The following CPSF6 variants were observed in gnomAD, a reference collection of about 807,000 sequenced individuals.
The protein encoded by CPSF6 is cleavage and polyadenylation specificity factor subunit 6.
In CPSF6, 10 loss-of-function variants were observed where a neutral mutation model predicts 56.7. That is an observed-to-expected ratio of 0.18 (90% CI 0.11 to 0.30). The LOEUF (loss-of-function observed/expected upper bound fraction) is 0.30. Ranked by LOEUF, CPSF6 falls within the 10% of genes least tolerant of loss-of-function variation. The pLI is 1.00. For missense variants in CPSF6, 419 were observed against 722.9 expected (o/e 0.58, Z 4.82); for synonymous variants, 248 against 244.8 (o/e 1.01, Z -0.12).
At chr12:69,241,073 G>C (rs1871592940) in intron 1 of CPSF6, among the ~76,000 whole-genome samples, 1 of 152,106 alleles carries the variant, frequency 6.6e-6, no homozygotes, top group Admixed American at 6.6e-5. Context: ...GGAAACTCAA[G>C]AGATCTTTAC....
chr12:69,241,101 A>G (rs1461423338), intron 1 of CPSF6, among the ~76,000 whole-genome samples: 1 of 152,216 alleles, frequency 6.6e-6, no homozygotes, highest in Non-Finnish European at 1.5e-5. Context: ...TTTTTCAGGA[A>G]TGACTTTGTG....
intron 3 of CPSF6, among the ~76,000 whole-genome samples, chr12:69,256,247 T>C (rs1359398386): frequency 6.6e-6 from 1 of 152,126 alleles, no homozygotes; most frequent in African/African-American, 2.4e-5. Flanking sequence ...CGATGGCTAA[T>C]GGATATGGAG....
chr12:69,262,662 G>C lies in CPSF6; in HGVS notation c.*3+100G>C, dbSNP rs958459103. 1.1e-5 allele frequency: 14 copies of C among 1,236,648 alleles called. No homozygotes were observed. The African/African-American group carries it at 2.1e-4, about 19-fold the overall frequency. The allele number at this position is 1,236,648 out of a possible 1,614,324, so 76.6% of individuals were successfully genotyped here. On this transcript the variant is annotated intron_variant, in intron 9 of 9. Coordinates refer to ENST00000435070, the MANE Select transcript of CPSF6 (RefSeq NM_007007.3). ...ACAGTATATACCTACATTTTAAATG[G>C]TCCAACTACTTGTGAATTTAATCTT...
rs1873269519 is a variant in CPSF6, at chr12:69,272,044, A to G, written c.*2536A>G. On this transcript the variant is annotated 3_prime_UTR_variant, in exon 10 of 10. Coordinates refer to ENST00000435070, the MANE Select transcript of CPSF6 (RefSeq NM_007007.3). ...GTAAAGTTAAACAGATGAGTGATAC[A>G]GTACCTGAATGGTACTGCTTCTGAG... is the stretch of plus-strand genomic sequence containing the variant. 2 of 151,748 alleles carry G rather than the reference A, an allele frequency of 1.3e-5. No individual in the cohort carries two copies. Among genetic ancestry groups the G allele is most frequent in the African/African-American group, 4.8e-5 (2 of 41,426 alleles). 9.4% of individuals were successfully genotyped at this position (151,748 alleles called of 1,614,324 possible).
At chr12:69,251,515 C>T (rs188546317) in intron 2 of CPSF6, among the ~76,000 whole-genome samples, 177 bp downstream of exon 2, 1 of 152,042 alleles carries the variant, frequency 6.6e-6, no homozygotes, top group African/African-American at 2.4e-5. Context: ...AATTCGAATT[C>T]TTCTAGTTTT....
intron 1 of CPSF6, among the ~76,000 whole-genome samples, chr12:69,245,404 T>A (rs1871845634): frequency 6.6e-6 from 1 of 152,182 alleles, no homozygotes; most frequent in Admixed American, 6.5e-5. Flanking sequence ...TTACAGTGCC[T>A]ACTTTATAAA....
Position 69,258,564 on chromosome 12 carries a change from T to C in CPSF6, c.695-26T>C. 1 of 1,550,678 alleles carries C rather than the reference T, an allele frequency of 6.4e-7. No individual in the cohort carries two copies. Among genetic ancestry groups the C allele is most frequent in the East Asian group, 2.3e-5 (1 of 44,392 alleles). ...TATCTTATTAGTGAAGTGTTTTTTT[T>C]TCTCTCTTTCTCCTTTGTTTTTTAG... On this transcript the variant is annotated intron_variant, in intron 5 of 9. Transcript: ENST00000435070. This position sits in a 1 kb window ranked among gnomAD's most constrained non-coding sequence, Gnocchi z 4.2.
rs766943178 is a variant in CPSF6, at chr12:69,239,623, G to T, written c.-24G>T. On this transcript the variant is annotated 5_prime_UTR_variant, in exon 1 of 10. Coordinates refer to ENST00000435070, the MANE Select transcript of CPSF6 (RefSeq NM_007007.3). The stretch of plus-strand genomic sequence containing the variant: ...CAGACCTGCAGGAGGCGGCGGCGGC[G>T]GCGGCGGCCGAGGCTGAAGGAAGAT... The T allele has an allele frequency of 4.5e-6, 7 of 1,556,688 alleles. No individual in the cohort carries two copies. In the African/African-American group the frequency reaches 8.5e-5, roughly 19 times the overall value.
intron 3 of CPSF6, among the ~76,000 whole-genome samples, chr12:69,255,483 A>G (rs1288379054): frequency 2.6e-5 from 4 of 152,216 alleles, no homozygotes; most frequent in East Asian, 1.9e-4. Context: ...GCATTGTGCC[A>G]TTTTATTAAT....
intron 3 of CPSF6, among the ~76,000 whole-genome samples, chr12:69,255,608 C>T (rs1228778957): frequency 6.6e-6 from 1 of 152,124 alleles, no homozygotes; most frequent in African/African-American, 2.4e-5. Flanking sequence ...GTGGCGCAAT[C>T]TTGGCTCATT....
intron 1 of CPSF6, among the ~76,000 whole-genome samples, chr12:69,247,368 AG>A (rs960593034): frequency 6.7e-6 from 1 of 148,152 alleles, no homozygotes; most frequent in African/African-American, 2.5e-5. Flanking sequence ...AAAATTAGTG[AG>A]TTTTTTTTTT....
At chr12:69,249,374 A>G (rs1017958035) in intron 1 of CPSF6, among the ~76,000 whole-genome samples, 4 of 151,840 alleles carry the variant, frequency 2.6e-5, no homozygotes, top group Admixed American at 2.0e-4. Context: ...TGGGCCCATA[A>G]TATCTTGTTG....
Position 69,274,258 on chromosome 12 carries a change from T to C in CPSF6, c.*4750T>C, listed in dbSNP as rs1349831545. Reference sequence around the variant, plus strand: ...TTCCTTTCTTTAGCATTTAGGTGACTGTTCGGCAGTTTGATATATGGCCAT... The same window carrying C: ...TTCCTTTCTTTAGCATTTAGGTGACCGTTCGGCAGTTTGATATATGGCCAT... On this transcript the variant is annotated 3_prime_UTR_variant, in exon 10 of 10. Coordinates refer to ENST00000435070, the MANE Select transcript of CPSF6 (RefSeq NM_007007.3). The C allele has an allele frequency of 6.6e-6, 1 of 152,046 alleles. No individual in the cohort carries two copies. Among genetic ancestry groups the C allele is most frequent in the Non-Finnish European group, 1.5e-5 (1 of 67,918 alleles). 9.4% of individuals were successfully genotyped at this position (152,046 alleles called of 1,614,324 possible). A position where few individuals can be genotyped will look rare whatever the true frequency, so the allele number is the denominator to read the frequency against.
At position 69,256,757 on chromosome 12, in the gene CPSF6, T is replaced by C. The variant is rs1442620923; in HGVS notation, c.435T>C (p.Pro145=). 7 of 1,613,836 alleles carry C rather than the reference T, an allele frequency of 4.3e-6. No homozygotes were observed. Among genetic ancestry groups the C allele is most frequent in the Non-Finnish European group, 5.9e-6 (7 of 1,179,762 alleles). ...CAAAAAAGTTAATGGATCTGTTACC[T>C]AAAAGAGAACTTCATGGTCAGAATC... is the stretch of plus-strand genomic sequence containing the variant. The part of the protein sequence containing the change: ...ASSKKLMDLL[P]KRELHGQNPV... Residue 145 remains proline, a synonymous_variant, in exon 4 of 10, where the codon CCT becomes CCC. Transcript: ENST00000435070.
intron 9 of CPSF6, among the ~76,000 whole-genome samples, chr12:69,263,293 A>G (rs1872828820): frequency 6.6e-6 from 1 of 152,006 alleles, no homozygotes. Flanking sequence ...ATTTTCTTTG[A>G]TGTTTCATTC....
intron 1 of CPSF6, among the ~76,000 whole-genome samples, chr12:69,246,222 C>T (rs897469932): frequency 2.1e-4 from 32 of 152,216 alleles, no homozygotes; most frequent in African/African-American, 7.2e-4. Flanking sequence ...TTTTGCTTTA[C>T]GTTCAGTCAT....
chr12:69,262,157 G>A (rs1191196118), intron 8 of CPSF6, among the ~76,000 whole-genome samples: 1 of 152,112 alleles, frequency 6.6e-6, no homozygotes, highest in Admixed American at 6.5e-5. Flanking sequence ...TGATGTGTCT[G>A]GTTGCTGATT....
intron 1 of CPSF6, 94 bp from the exon 2 acceptor site, chr12:69,251,035 A>C: frequency 1.6e-6 from 2 of 1,244,578 alleles, no homozygotes; most frequent in Admixed American, 2.5e-5. Context: ...TTTTTCCATC[A>C]GATTTTTAAA....
chr12:69,258,164 A>C lies in CPSF6; in HGVS notation c.694+259A>C. On this transcript the variant is annotated intron_variant, in intron 5 of 9. Coordinates refer to ENST00000435070, the MANE Select transcript of CPSF6 (RefSeq NM_007007.3). This position sits in a 1 kb window ranked among gnomAD's most constrained non-coding sequence, Gnocchi z 4.2. ...CTAAAAGGTCTTTATTTTTCTCCAA[A>C]CTTGCTTGACTTATATATAGAATAT... 7.8e-7 allele frequency: 1 copy of C among 1,287,918 alleles called. No homozygotes were observed. The highest frequency in any genetic ancestry group is 1.1e-6 in the Non-Finnish European group (1 of 923,970). The allele number at this position is 1,287,918 out of a possible 1,614,324, so 79.8% of individuals were successfully genotyped here.
Sources: gnomAD v4.1 joint callset for allele counts (sites outside exome capture counted in the v4.1 genomes callset) on GRCh38, gnomAD v4.1.1 for gene constraint, Gnocchi (gnomAD v3.1) non-coding constraint, MANE v1.5 for transcripts, NCBI Gene and HGNC (gene_info 2026-07-23, HGNC 2026-07-21) for gene names.